Variants in CD33 observed in about 807,000 individuals in gnomAD.
CD33 encodes the protein myeloid cell surface antigen CD33.
A neutral mutation model predicts 31.4 loss-of-function variants in CD33; 25 were observed. The ratio of observed to expected loss-of-function variants is 0.80; its 90% confidence interval spans 0.58 to 1.11. CD33 has a LOEUF of 1.11. CD33 is among the 50% of genes most tolerant of loss of function. The pLI is 0.00. For synonymous variants in CD33, 176 were observed against 180.6 expected (o/e 0.97, Z 0.20); for missense variants, 407 against 448.1 (o/e 0.91, Z 0.83).
At chr19:51,216,521 C>T in the CD33 span, among the ~76,000 whole-genome samples, 1 of 151,912 alleles carries the variant, frequency 6.6e-6, no homozygotes, top group African/African-American at 2.4e-5. Context: ...CCGGCCTGAC[C>T]AACAAGGTGA....
the CD33 span, among the ~76,000 whole-genome samples, chr19:51,215,779 C>G: frequency 6.6e-6 from 1 of 152,308 alleles, no homozygotes; most frequent in Non-Finnish European, 1.5e-5. Flanking sequence ...TCTTGTCCCT[C>G]TTTCTCCCAA....
chr19:51,232,065 C>T (rs1419081272), intron 4 of CD33, among the ~76,000 whole-genome samples: 1 of 152,198 alleles, frequency 6.6e-6, no homozygotes, highest in Non-Finnish European at 1.5e-5. Context: ...TGCCTGGCCC[C>T]TTGAGCATTT....
intron 4 of CD33, among the ~76,000 whole-genome samples, chr19:51,232,164 A>G (rs1454605242): frequency 6.6e-6 from 1 of 152,194 alleles, no homozygotes; most frequent in Non-Finnish European, 1.5e-5. Flanking sequence ...TCTGAAAGAT[A>G]GCTTTTCTGG....
At chr19:51,212,899 C>T in the CD33 span, among the ~76,000 whole-genome samples, 2 of 152,194 alleles carry the variant, frequency 1.3e-5, no homozygotes, top group African/African-American at 2.4e-5. Context: ...CTGTGGTATT[C>T]CATTGCATGA....
At chr19:51,218,577 A>C in the CD33 span, among the ~76,000 whole-genome samples, 2 of 152,110 alleles carry the variant, frequency 1.3e-5, no homozygotes, top group African/African-American at 4.8e-5. Context: ...TTGCTTTGAG[A>C]TCTTAGTTGT....
At chr19:51,222,552 T>C (rs984569013), upstream of CD33, among the ~76,000 whole-genome samples, 1 of 152,208 alleles carries the variant, frequency 6.6e-6, no homozygotes, top group Non-Finnish European at 1.5e-5. Context: ...CATTTTGAAA[T>C]ACAGACACAA....
intron 6 of CD33, 119 bp from the exon 7 acceptor site, chr19:51,239,399 G>T: frequency 1.5e-6 from 1 of 669,086 alleles, no homozygotes; most frequent in Non-Finnish European, 2.5e-6. Flanking sequence ...TTTGATGAAA[G>T]AATGAAAGAG....
chr19:51,220,068 C>T (rs1223321055), upstream of CD33, among the ~76,000 whole-genome samples: 2 of 152,100 alleles, frequency 1.3e-5, no homozygotes, highest in East Asian at 1.9e-4. Context: ...TTCCCTCCTC[C>T]TGAATATTTT....
chr19:51,225,787 T>A lies in CD33; in HGVS notation c.419-16T>A, dbSNP rs1388775452. ...CCCTCCCTCCTGATTCTGCATCCCC[T>A]CTTTCTCCTCACTAGACTTGACCCA... On this transcript the variant is annotated splice_polypyrimidine_tract_variant and intron_variant, in intron 2 of 6. Coordinates refer to ENST00000262262, the MANE Select transcript of CD33 (RefSeq NM_001772.4). The A allele has an allele frequency of 6.2e-7, 1 of 1,608,888 alleles. No homozygotes were observed. The highest frequency in any genetic ancestry group is 1.1e-5 in the South Asian group (1 of 90,716).
At chr19:51,223,048 C>T (rs901202893), upstream of CD33, among the ~76,000 whole-genome samples, 3 of 151,972 alleles carry the variant, frequency 2.0e-5, no homozygotes, top group African/African-American at 7.2e-5. Flanking sequence ...GACCCCATCT[C>T]TCCTAAACAT....
At chr19:51,221,277 A>ACATAATATTTTAC (rs56662071), upstream of CD33, among the ~76,000 whole-genome samples, 12,315 of 151,952 alleles carry the variant, frequency 0.081, 1,622 homozygotes, top group African/African-American at 0.28. Flanking sequence ...GAATGAACTA[A>ACATAATATTTTAC]CACAATATTT....
the CD33 span, among the ~76,000 whole-genome samples, chr19:51,212,439 A>C: frequency 6.6e-6 from 1 of 151,850 alleles, no homozygotes; most frequent in African/African-American, 2.4e-5. Context: ...ACCTCACCTC[A>C]TCCTGGTGAT....
At chr19:51,238,068 T>G (rs1026527451) in intron 6 of CD33, 1 of 152,168 alleles carries the variant, frequency 6.6e-6, no homozygotes, top group Admixed American at 6.5e-5. Context: ...ATGTCATAGG[T>G]GGGTCCACAG....
At position 51,239,976 on chromosome 19, in the gene CD33, A is replaced by T. The variant is rs1444329217; in HGVS notation, c.*288A>T. On this transcript the variant is annotated 3_prime_UTR_variant, in exon 7 of 7. Coordinates refer to ENST00000262262, the MANE Select transcript of CD33 (RefSeq NM_001772.4). ...GTATAAGAAGTCCTATCTCATAGGG[A>T]TGCTGTGAGCATTAAATAAAGGTAC... 1.3e-5 allele frequency: 3 copies of T among 237,150 alleles called. No homozygotes were observed. The highest frequency in any genetic ancestry group is 2.3e-5 in the African/African-American group (1 of 44,328). The allele number at this position is 237,150 out of a possible 1,614,324, so 14.7% of individuals were successfully genotyped here.
chr19:51,239,952 T>C lies in CD33; in HGVS notation c.*264T>C. The C allele has an allele frequency of 3.3e-6, 1 of 302,212 alleles. No individual in the cohort carries two copies. The highest frequency in any genetic ancestry group is 6.1e-6 in the Non-Finnish European group (1 of 164,892). 18.7% of individuals were successfully genotyped at this position (302,212 alleles called of 1,614,324 possible). The stretch of plus-strand genomic sequence containing the variant: ...TCCATTTTCTTCTCTGTGAAGTAGG[T>C]ATAAGAAGTCCTATCTCATAGGGAT... On this transcript the variant is annotated 3_prime_UTR_variant, in exon 7 of 7. Coordinates refer to ENST00000262262, the MANE Select transcript of CD33 (RefSeq NM_001772.4).
rs138721648 is a variant in CD33 at position 51,235,634 on chromosome 19, G to A, written c.882G>A (p.Val294=). 17 of 1,613,840 alleles carry A rather than the reference G, an allele frequency of 1.1e-5. 1 individual carries two copies. The highest frequency in any genetic ancestry group is 1.7e-5 in the Admixed American group (1 of 59,972). ...THRRKAARTA[V]GRNDTHPTTG... is the part of the protein sequence containing the mutation. ...GGAGGAAAGCAGCCAGGACAGCAGT[G>A]GGCAGGAATGACACCCACCCTACCA... The change falls in exon 6 of 7, where the codon GTG becomes GTA. Residue 294 remains valine, a synonymous_variant. Transcript: ENST00000262262.
chr19:51,226,238 A>T, intron 3 of CD33, 71 bp from the exon 4 acceptor site: 1 of 1,526,468 alleles, frequency 6.6e-7, no homozygotes, highest in Non-Finnish European at 9.1e-7. Context: ...TTCTGGCAGG[A>T]GTAAGGGGAA....
At chr19:51,232,008 T>C (rs1981461962) in intron 4 of CD33, among the ~76,000 whole-genome samples, 1 of 152,196 alleles carries the variant, frequency 6.6e-6, no homozygotes, top group Non-Finnish European at 1.5e-5. Flanking sequence ...TCCACCTGCC[T>C]GCCTTCACCT....
At chr19:51,215,269 C>T in the CD33 span, among the ~76,000 whole-genome samples, 1 of 152,146 alleles carries the variant, frequency 6.6e-6, no homozygotes. Flanking sequence ...CCACATGGTT[C>T]ATTTGTAGTC....
Sources: allele counts gnomAD v4.1 joint callset (sites outside exome capture counted in the v4.1 genomes callset), GRCh38; gene constraint gnomAD v4.1.1; transcripts MANE v1.5; gene names NCBI Gene and HGNC (gene_info 2026-07-23, HGNC 2026-07-21).